CORO1B: variants seen among roughly 807,000 people sequenced by gnomAD.
CORO1B encodes the protein coronin 1B.
A neutral mutation model predicts 51.1 loss-of-function variants in CORO1B; 30 were observed. The observed-to-expected ratio is 0.59, with a 90% CI of 0.44 to 0.80. The LOEUF (loss-of-function observed/expected upper bound fraction) is 0.80, where lower values mean the gene tolerates loss of function less well. CORO1B is among the 30% of genes least tolerant of loss of function. The probability of loss-of-function intolerance (pLI) is 0.00; values close to 1 mark genes in which losing one functional copy is unlikely to be tolerated. For synonymous variants in CORO1B, 310 were observed against 289.7 expected (o/e 1.07, Z -0.71); for missense variants, 648 against 700.4 (o/e 0.93, Z 0.84).
upstream of CORO1B, chr11:67,443,767 C>T (rs1166459865): frequency 5.1e-6 from 5 of 985,124 alleles, no homozygotes; most frequent in African/African-American, 8.7e-5. Context: ...GACCCGAGGC[C>T]CCTTCGCGTT....
Position 67,436,179 on chromosome 11 carries a change from G to A in CORO1B, c.*2197C>T, listed in dbSNP as rs780094269. Reference sequence around the variant, plus strand: ...GGGTGGTAGTAGCCCCCTGAGTCACGGCTGAGGCGGCGCCAGGCCAGTGCT... The same window carrying A: ...GGGTGGTAGTAGCCCCCTGAGTCACAGCTGAGGCGGCGCCAGGCCAGTGCT... On this transcript the variant is annotated 3_prime_UTR_variant, in exon 11 of 11. Transcript: ENST00000341356. 39 of 1,556,568 alleles carry A rather than the reference G, an allele frequency of 2.5e-5. No individual in the cohort carries two copies. The highest frequency in any genetic ancestry group is 1.9e-4 in the African/African-American group (14 of 73,680).
At chr11:67,439,667 G>A (rs1864357896) in intron 9 of CORO1B, 119 bp downstream of exon 9, 1 of 1,106,770 alleles carries the variant, frequency 9.0e-7, no homozygotes. Context: ...CATCTGTCCA[G>A]CTCACTGCCC....
chr11:67,442,841 C>T (rs1864425703), intron 1 of CORO1B, among the ~76,000 whole-genome samples: 1 of 152,162 alleles, frequency 6.6e-6, no homozygotes. Context: ...GTAAATGCTC[C>T]GGCCCTGACC....
chr11:67,436,922 T>C lies in CORO1B; in HGVS notation c.*1454A>G, dbSNP rs1053532155. The C allele has an allele frequency of 2.0e-5, 3 of 152,548 alleles. No homozygotes were observed. The highest frequency in any genetic ancestry group is 4.4e-5 in the Non-Finnish European group (3 of 68,412). The allele number at this position is 152,548 out of a possible 1,614,324, so 9.4% of individuals were successfully genotyped here. ...TTAGTAGGTGCTCAATAAGTATGGA[T>C]TAAATGTGTCTAGGCTGCCTGGGTG... On this transcript the variant is annotated 3_prime_UTR_variant, in exon 11 of 11. Coordinates refer to ENST00000341356, the MANE Select transcript of CORO1B (RefSeq NM_020441.3).
intron 6 of CORO1B, 178 bp downstream of exon 6, chr11:67,440,946 TG>T: frequency 1.2e-6 from 1 of 817,782 alleles, no homozygotes; most frequent in Non-Finnish European, 2.0e-6. Flanking sequence ...GGGGGAGTGG[TG>T]GGGCAGTCGG....
In CORO1B at chr11:67,441,865, G is replaced by A; in HGVS notation, c.325-3C>T. ...CCGTTCTCTGGGATCTGCCACACCT[G>A]TGGTAGGGACAGGGCCACCGAGCTC... On this transcript the variant is annotated splice_region_variant and splice_polypyrimidine_tract_variant and intron_variant, in intron 3 of 10. Transcript: ENST00000341356. The A allele has an allele frequency of 6.2e-7, 1 of 1,613,194 alleles. No individual in the cohort carries two copies. Among genetic ancestry groups the A allele is most frequent in the Non-Finnish European group, 8.5e-7 (1 of 1,179,988 alleles).
intron 1 of CORO1B, 125 bp from the exon 2 acceptor site, chr11:67,442,755 G>A: frequency 2.2e-6 from 2 of 904,638 alleles, no homozygotes; most frequent in Non-Finnish European, 3.4e-6. Flanking sequence ...CCTGGGTCTC[G>A]GTTTACCCAG....
intron 6 of CORO1B, 103 bp downstream of exon 6, chr11:67,441,022 G>A: frequency 1.3e-6 from 2 of 1,556,908 alleles, no homozygotes; most frequent in African/African-American, 2.7e-5. Flanking sequence ...CAAGTTCCAG[G>A]CAGAGAAGCT....
chr11:67,442,674 A>T lies in CORO1B; in HGVS notation c.-2-44T>A, dbSNP rs761474353. The stretch of plus-strand genomic sequence containing the variant: ...TGGGTCAGTCCGGCCCATCCCAACA[A>T]CTCCAGCCCTCCCCAGGCTGCTGAA... On this transcript the variant is annotated intron_variant, in intron 1 of 10. Transcript: ENST00000341356. 7.6e-6 allele frequency: 12 copies of T among 1,577,522 alleles called. No homozygotes were observed. The South Asian group carries it at 1.3e-4, about 18-fold the overall frequency.
chr11:67,438,433 G>C lies in CORO1B; in HGVS notation c.1413C>G (p.Gly471=). The change falls in exon 11 of 11, where the codon GGC becomes GGG. Residue 471 remains glycine (G), a synonymous_variant. Coordinates refer to ENST00000341356, the MANE Select transcript of CORO1B (RefSeq NM_020441.3). Reference sequence around the variant, plus strand: ...GCTCCTCCAGGCGGCAGATGCGGTCGCCCTGCTCCTTGACCAGCGCCCTCA... The same window carrying C: ...GCTCCTCCAGGCGGCAGATGCGGTCCCCCTGCTCCTTGACCAGCGCCCTCA... The part of the protein sequence containing the change: ...RALRALVKEQ[G]DRICRLEEQL... 1 of 1,611,164 alleles carries C rather than the reference G, an allele frequency of 6.2e-7. No individual in the cohort carries two copies. Among genetic ancestry groups the C allele is most frequent in the African/African-American group, 1.3e-5 (1 of 75,026 alleles).
chr11:67,440,070 C>A, intron 8 of CORO1B, 48 bp downstream of exon 8: 1 of 1,566,660 alleles, frequency 6.4e-7, no homozygotes, highest in South Asian at 1.2e-5. Flanking sequence ...GACCTGACCT[C>A]TCACCTTAGA....
chr11:67,435,563 G>A lies in CORO1B; in HGVS notation c.*2813C>T. Reference sequence around the variant, plus strand: ...GGTTGCCTGATGCCTGTGGTTGGGGGGGGCCGTTCCCGTGGTGAGCGGGGT... The same window carrying A: ...GGTTGCCTGATGCCTGTGGTTGGGGAGGGCCGTTCCCGTGGTGAGCGGGGT... On this transcript the variant is annotated 3_prime_UTR_variant, in exon 11 of 11. Coordinates refer to ENST00000341356, the MANE Select transcript of CORO1B (RefSeq NM_020441.3). 9.9e-7 allele frequency: 1 copy of A among 1,010,234 alleles called. No homozygotes were observed. Among genetic ancestry groups the A allele is most frequent in the Non-Finnish European group, 1.4e-6 (1 of 719,226 alleles). The allele number at this position is 1,010,234 out of a possible 1,614,324, so 62.6% of individuals were successfully genotyped here.
At position 67,441,793 on chromosome 11, in the gene CORO1B, T is replaced by G; in HGVS notation, c.394A>C (p.Thr132Pro). ...TEPVVVLEGH[T>P]KRVGIIAWHP... is the part of the protein sequence containing the mutation. ...CAGGCGATGATGCCCACTCGCTTGG[T>G]GTGCCCCTCCAGTACCACCACCGGC... The change falls in exon 4 of 11, where the codon ACC becomes CCC. Residue 132 changes from threonine to proline, a missense_variant. Physicochemically the swap from Thr to Pro is conservative, Grantham distance 38 (BLOSUM62 -1). Transcript: ENST00000341356. 1.2e-6 allele frequency: 2 copies of G among 1,612,976 alleles called. No individual in the cohort carries two copies. The highest frequency in any genetic ancestry group is 1.7e-6 in the Non-Finnish European group (2 of 1,179,932).
chr11:67,436,520 G>T lies in CORO1B; in HGVS notation c.*1856C>A. 1 of 742,018 alleles carries T rather than the reference G, an allele frequency of 1.3e-6. No homozygotes were observed. The highest frequency in any genetic ancestry group is 2.0e-6 in the Non-Finnish European group (1 of 496,196). The allele number at this position is 742,018 out of a possible 1,614,324, so 46.0% of individuals were successfully genotyped here. On this transcript the variant is annotated 3_prime_UTR_variant, in exon 11 of 11. Coordinates refer to ENST00000341356, the MANE Select transcript of CORO1B (RefSeq NM_020441.3). ...TTGGTCAACCAGGCTCTGGCCCTGT[G>T]AGATCAGCCCCCATCCCTCCAGCCT... is the stretch of plus-strand genomic sequence containing the variant.
At position 67,437,568 on chromosome 11, in the gene CORO1B, G is replaced by T. The variant is rs770236193; in HGVS notation, c.*808C>A. On this transcript the variant is annotated 3_prime_UTR_variant, in exon 11 of 11. Transcript: ENST00000341356. ...CCACAGGCCCAGACATTCTAGCCCC[G>T]ACCGCCTGTGGCCCCCATCCCAAGA... is the stretch of plus-strand genomic sequence containing the variant. 1.5e-6 allele frequency: 2 copies of T among 1,337,632 alleles called. No individual in the cohort carries two copies. Among genetic ancestry groups the T allele is most frequent in the African/African-American group, 3.0e-5 (2 of 66,492 alleles). 82.9% of individuals were successfully genotyped at this position (1,337,632 alleles called of 1,614,324 possible).
chr11:67,437,551 C>A lies in CORO1B; in HGVS notation c.*825G>T. ...TGGGGCCCTCCTTAGCTCCACAGGC[C>A]CAGACATTCTAGCCCCGACCGCCTG... On this transcript the variant is annotated 3_prime_UTR_variant, in exon 11 of 11. Coordinates refer to ENST00000341356, the MANE Select transcript of CORO1B (RefSeq NM_020441.3). The A allele has an allele frequency of 7.5e-7, 1 of 1,329,876 alleles. No homozygotes were observed. The highest frequency in any genetic ancestry group is 9.7e-7 in the Non-Finnish European group (1 of 1,029,712). The allele number at this position is 1,329,876 out of a possible 1,614,324, so 82.4% of individuals were successfully genotyped here.
chr11:67,438,871 C>T lies in CORO1B; in HGVS notation c.1144G>A (p.Gly382Arg), dbSNP rs140742381. ...AALEAEEWVS[G>R]RDADPILISL... Reference sequence around the variant, plus strand: ...ATGAGGATCGGGTCGGCATCCCGCCCGCTCACCCACTCCTCAGCCTCCAGG... The same window carrying T: ...ATGAGGATCGGGTCGGCATCCCGCCTGCTCACCCACTCCTCAGCCTCCAGG... Residue 382 changes from glycine to arginine, a missense_variant, in exon 10 of 11, where the codon GGG (glycine) becomes AGG (arginine). Coordinates refer to ENST00000341356, the MANE Select transcript of CORO1B (RefSeq NM_020441.3). 1.1e-5 allele frequency: 18 copies of T among 1,608,180 alleles called. No homozygotes were observed. Among genetic ancestry groups the T allele is most frequent in the Admixed American group, 1.0e-4 (6 of 59,528 alleles).
intron 6 of CORO1B, 80 bp downstream of exon 6, chr11:67,441,045 C>A: frequency 6.2e-7 from 1 of 1,601,572 alleles, no homozygotes; most frequent in South Asian, 1.1e-5. Flanking sequence ...GAACCACAGG[C>A]CTCCCCAGGG....
chr11:67,440,636 C>G, intron 6 of CORO1B, 197 bp from the exon 7 acceptor site: 1 of 693,882 alleles, frequency 1.4e-6, no homozygotes, highest in Non-Finnish European at 2.6e-6. Flanking sequence ...CCCAGGGTCC[C>G]TCTTTTCCAG....
Sources: gnomAD v4.1 joint callset for allele counts (sites outside exome capture counted in the v4.1 genomes callset) on GRCh38, gnomAD v4.1.1 for gene constraint, MANE v1.5 for transcripts, NCBI Gene and HGNC (gene_info 2026-07-23, HGNC 2026-07-21) for gene names.